Variants in PPP1R12B observed in about 807,000 individuals in gnomAD.
PPP1R12B encodes myosin phosphatase target subunit 2.
In PPP1R12B, 76 loss-of-function variants were observed where a neutral mutation model predicts 126.1. The ratio of observed to expected loss-of-function variants is 0.60; its 90% CI spans 0.50 to 0.73. The LOEUF is 0.73. PPP1R12B is among the 30% of genes least tolerant of loss of function. PPP1R12B has a pLI of 0.00. For synonymous variants in PPP1R12B, 356 were observed against 434.7 expected (o/e 0.82, Z 2.25); for missense variants, 1,052 against 1,205.1 (o/e 0.87, Z 1.88).
At chr1:202,454,737 C>T (rs187815197) in intron 13 of PPP1R12B, among the ~76,000 whole-genome samples, 1 of 152,102 alleles carries the variant, frequency 6.6e-6, no homozygotes, top group African/African-American at 2.4e-5. Context: ...AGCTCAAGAC[C>T]AGCCTGGGCA....
chr1:202,453,309 C>T lies in PPP1R12B; in HGVS notation c.1850+4138C>T, dbSNP rs543226771. The stretch of plus-strand genomic sequence containing the variant: ...ATTGACTTGTGTATCTTTGAACCAT[C>T]CTTGCATCCCTGGGATAAATCCCAC... On this transcript the variant is annotated intron_variant, in intron 13 of 23. Coordinates refer to ENST00000608999, the MANE Select transcript of PPP1R12B (RefSeq NM_002481.4). Among the ~76,000 whole-genome samples the T allele has an allele frequency of 2.6e-5, 4 of 152,256 alleles. No homozygotes were observed. The East Asian group carries it at 7.7e-4, about 29-fold the overall frequency.
In PPP1R12B at chr1:202,585,701, T is replaced by G. The variant is rs1180688940; in HGVS notation, c.*5141T>G. 1 of 152,220 alleles carries G rather than the reference T, an allele frequency of 6.6e-6. No individual in the cohort carries two copies. The highest frequency in any genetic ancestry group is 1.5e-5 in the Non-Finnish European group (1 of 68,034). 9.4% of individuals were successfully genotyped at this position (152,220 alleles called of 1,614,324 possible). A position where few individuals can be genotyped will look rare whatever the true frequency, so the allele number is the denominator to read the frequency against. ...CACATCAAGGTTGACTTCTCATCCT[T>G]TTTGGGAAGTGAATTTAATATTGAG... On this transcript the variant is annotated 3_prime_UTR_variant, in exon 24 of 24. Coordinates refer to ENST00000608999, the MANE Select transcript of PPP1R12B (RefSeq NM_002481.4).
intron 13 of PPP1R12B, among the ~76,000 whole-genome samples, chr1:202,475,867 A>G (rs1419871791): frequency 2.0e-5 from 3 of 151,456 alleles, no homozygotes; most frequent in Non-Finnish European, 4.4e-5. Context: ...TTTTTTTGGG[A>G]TCTCTGAAGA....
intron 1 of PPP1R12B, among the ~76,000 whole-genome samples, chr1:202,394,093 C>T (rs958832130): frequency 2.0e-5 from 3 of 152,140 alleles, no homozygotes; most frequent in Non-Finnish European, 4.4e-5. Flanking sequence ...AATCCCACCA[C>T]TTTGGGAGGC....
intron 13 of PPP1R12B, among the ~76,000 whole-genome samples, chr1:202,478,543 C>A (rs754933037): frequency 6.6e-6 from 1 of 151,970 alleles, no homozygotes; most frequent in Non-Finnish European, 1.5e-5. Flanking sequence ...GTAAAACTCT[C>A]ATATATTGAC....
intron 9 of PPP1R12B, 83 bp from the exon 10 acceptor site, chr1:202,437,738 G>A: frequency 7.9e-7 from 1 of 1,273,316 alleles, no homozygotes; most frequent in Non-Finnish European, 1.1e-6. Context: ...GCTGAACTTA[G>A]TTAAGTGTGG....
chr1:202,583,873 A>C lies in PPP1R12B; in HGVS notation c.*3313A>C, dbSNP rs1168707280. The C allele has an allele frequency of 6.6e-6, 1 of 152,220 alleles. No homozygotes were observed. The highest frequency in any genetic ancestry group is 1.9e-4 in the East Asian group (1 of 5,198). 9.4% of individuals were successfully genotyped at this position (152,220 alleles called of 1,614,324 possible). On this transcript the variant is annotated 3_prime_UTR_variant, in exon 24 of 24. Coordinates refer to ENST00000608999, the MANE Select transcript of PPP1R12B (RefSeq NM_002481.4). ...TAGAGTCTTTACATGAAATATCAGA[A>C]TGGGAAAGAGAATGTTCCTGGTAAA...
chr1:202,498,651 C>G (rs1249027515), intron 18 of PPP1R12B, among the ~76,000 whole-genome samples: 2 of 152,216 alleles, frequency 1.3e-5, no homozygotes, highest in African/African-American at 2.4e-5. Context: ...TGGTCATGGC[C>G]TAGTGTAAAT....
chr1:202,400,791 AC>A (rs1340318527), intron 1 of PPP1R12B, among the ~76,000 whole-genome samples: 1 of 152,328 alleles, frequency 6.6e-6, no homozygotes, highest in East Asian at 1.9e-4. Flanking sequence ...AGATGGGGTA[AC>A]TGAGGCAGAA....
At chr1:202,516,637 A>T (rs79611270) in intron 18 of PPP1R12B, among the ~76,000 whole-genome samples, 2,188 of 152,264 alleles carry the variant, frequency 0.014, 67 homozygotes, top group African/African-American at 0.051. Context: ...AAAAAAAAAA[A>T]TCCTCATAAA....
At chr1:202,576,035 C>T (rs1170419022) in intron 23 of PPP1R12B, 9 of 152,216 alleles carry the variant, frequency 5.9e-5, no homozygotes, top group African/African-American at 2.2e-4. Context: ...CTCTCATTCC[C>T]GTCACAAATC....
chr1:202,447,321 G>A (rs1672410308), intron 12 of PPP1R12B, among the ~76,000 whole-genome samples: 1 of 152,242 alleles, frequency 6.6e-6, no homozygotes, highest in Non-Finnish European at 1.5e-5. Flanking sequence ...GTGAGGGCCT[G>A]AGATAGGATT....
intron 13 of PPP1R12B, chr1:202,472,157 GT>G (rs1332617632): frequency 2.0e-5 from 19 of 969,792 alleles, no homozygotes; most frequent in South Asian, 1.6e-4. Flanking sequence ...GAAAACAAAA[GT>G]TTTTTATATA....
intron 18 of PPP1R12B, among the ~76,000 whole-genome samples, chr1:202,510,209 G>A (rs1434339057): frequency 1.1e-4 from 17 of 152,268 alleles, no homozygotes; most frequent in Admixed American, 2.0e-4. Flanking sequence ...AGCTAAGGGC[G>A]TGTGTAGATA....
chr1:202,477,341 A>G (rs1465845444), intron 13 of PPP1R12B, among the ~76,000 whole-genome samples: 1 of 152,174 alleles, frequency 6.6e-6, no homozygotes, highest in African/African-American at 2.4e-5. Context: ...ATTGTATAAG[A>G]AACTCGGGTA....
intron 2 of PPP1R12B, among the ~76,000 whole-genome samples, chr1:202,420,594 A>G (rs1668615651): frequency 1.3e-5 from 2 of 152,194 alleles, no homozygotes; most frequent in Admixed American, 6.5e-5. Flanking sequence ...TTGCATTTTG[A>G]TATTTCAGGG....
chr1:202,472,251 C>T (rs1056270884), intron 13 of PPP1R12B: 16 of 448,530 alleles, frequency 3.6e-5, no homozygotes, highest in South Asian at 1.2e-4. Flanking sequence ...ATCATATGAA[C>T]GTTCTTTATT....
chr1:202,485,365 G>T (rs534929362), intron 13 of PPP1R12B, among the ~76,000 whole-genome samples: 1 of 150,716 alleles, frequency 6.6e-6, no homozygotes, highest in East Asian at 2.0e-4. Flanking sequence ...TCTAGTAGTA[G>T]GTTCAGTTTC....
In PPP1R12B at chr1:202,348,823, T is replaced by C. The variant is rs1655383746; in HGVS notation, c.-29T>C. The C allele has an allele frequency of 6.3e-7, 1 of 1,591,008 alleles. No homozygotes were observed. The highest frequency in any genetic ancestry group is 8.5e-7 in the Non-Finnish European group (1 of 1,172,202). Reference sequence around the variant, plus strand: ...CCCAACAGTAATTTAGTGTTGGTAGTTTTGGCAGCAGCTGCCGAGGCCGGA... The same window carrying C: ...CCCAACAGTAATTTAGTGTTGGTAGCTTTGGCAGCAGCTGCCGAGGCCGGA... On this transcript the variant is annotated 5_prime_UTR_variant, in exon 1 of 24. Transcript: ENST00000608999.
Sources: allele counts gnomAD v4.1 joint callset (sites outside exome capture counted in the v4.1 genomes callset), GRCh38; gene constraint gnomAD v4.1.1; transcripts MANE v1.5; gene names NCBI Gene and HGNC (gene_info 2026-07-23, HGNC 2026-07-21).